Variants in DDHD1 observed in about 807,000 individuals in gnomAD.
DDHD1 encodes the protein DDHD domain containing 1.
Under a neutral mutation model 96.4 loss-of-function variants are expected in DDHD1, and 49 were observed. The ratio of observed to expected loss-of-function variants is 0.51; its 90% CI spans 0.40 to 0.64. The LOEUF (loss-of-function observed/expected upper bound fraction) is 0.64, where lower values mean the gene tolerates loss of function less well. Among genes scored for constraint, DDHD1 ranks in the 30% least tolerant of loss-of-function variants. The pLI is 0.00. For missense variants in DDHD1, 1,106 were observed against 1,161.2 expected (o/e 0.95, Z 0.69); for synonymous variants, 442 against 446.5 (o/e 0.99, Z 0.13).
At position 53,133,957 on chromosome 14, in the gene DDHD1, A is replaced by C. The variant is rs2139849730; in HGVS notation, c.838+18304T>G. Reference sequence around the variant, plus strand: ...CAGGACCCTCCCCATTGGGTTCACCATTCCAGAATAAAGCTGTGTCCATCG... The same window carrying C: ...CAGGACCCTCCCCATTGGGTTCACCCTTCCAGAATAAAGCTGTGTCCATCG... On this transcript the variant is annotated intron_variant, in intron 1 of 12. Coordinates refer to ENST00000673822, the MANE Select transcript of DDHD1 (RefSeq NM_001160148.2). Among the ~76,000 whole-genome samples the C allele has an allele frequency of 1.3e-5, 2 of 152,270 alleles. 1 individual carries two copies. The highest frequency in any genetic ancestry group is 4.1e-4 in the South Asian group (2 of 4,830).
chr14:53,059,358 C>T (rs1277036439), intron 8 of DDHD1, among the ~76,000 whole-genome samples: 1 of 152,044 alleles, frequency 6.6e-6, no homozygotes, highest in Non-Finnish European at 1.5e-5. Flanking sequence ...TATTCTCCTG[C>T]CTCAGCCTCC....
rs1006340353 is a variant in DDHD1 at position 53,112,394 on chromosome 14, C to T, written c.839-8538G>A. Among the ~76,000 whole-genome samples the T allele has an allele frequency of 5.4e-5, 8 of 148,928 alleles. No homozygotes were observed. In the East Asian group the frequency reaches 1.4e-3, roughly 26 times the overall value. On this transcript the variant is annotated intron_variant, in intron 1 of 12. Transcript: ENST00000673822. The stretch of plus-strand genomic sequence containing the variant: ...ATCGTGCCACTGCACTCTAGCCTGG[C>T]AACAGAGCGAGACTCCATCTCAAAA...
intron 1 of DDHD1, among the ~76,000 whole-genome samples, chr14:53,124,645 A>G (rs1161980092): frequency 6.6e-6 from 1 of 152,236 alleles, no homozygotes; most frequent in East Asian, 1.9e-4. Flanking sequence ...CGGACAATGT[A>G]AGTATACCCT....
At chr14:53,105,047 C>T (rs1887583162) in intron 1 of DDHD1, among the ~76,000 whole-genome samples, 1 of 151,734 alleles carries the variant, frequency 6.6e-6, no homozygotes, top group Admixed American at 6.6e-5. Flanking sequence ...TTATTAATAT[C>T]ATTAGGAACC....
At position 53,040,902 on chromosome 14, in the gene DDHD1, C is replaced by T. The variant is rs1881599632; in HGVS notation, c.*5866G>A. The T allele has an allele frequency of 3.3e-5, 5 of 152,176 alleles. No homozygotes were observed. In the South Asian group the frequency reaches 1.0e-3, roughly 32 times the overall value. 9.4% of individuals were successfully genotyped at this position (152,176 alleles called of 1,614,324 possible). On this transcript the variant is annotated 3_prime_UTR_variant, in exon 13 of 13. Transcript: ENST00000673822. The stretch of plus-strand genomic sequence containing the variant: ...CTCAGGAGAGTTATGGTGCCAGCTG[C>T]TTCTGAGAAATGTCCCTATGAGCAA...
At chr14:53,059,404 C>T (rs1436735046) in intron 8 of DDHD1, among the ~76,000 whole-genome samples, 1 of 151,730 alleles carries the variant, frequency 6.6e-6, no homozygotes, top group Non-Finnish European at 1.5e-5. Context: ...GCCACCACGC[C>T]CAGCTAATTT....
intron 12 of DDHD1, among the ~76,000 whole-genome samples, chr14:53,047,292 A>T (rs1286287296): frequency 6.6e-6 from 1 of 152,222 alleles, no homozygotes. Context: ...TAATCTATAA[A>T]ATAAGGAAAA....
chr14:53,084,882 C>T (rs749365540), intron 4 of DDHD1, among the ~76,000 whole-genome samples: 4 of 152,188 alleles, frequency 2.6e-5, no homozygotes, highest in Non-Finnish European at 2.9e-5. Flanking sequence ...CAAGGGAAGC[C>T]GTGACAGACT....
intron 9 of DDHD1, 103 bp from the exon 10 acceptor site, chr14:53,056,015 G>T (rs1883025026): frequency 2.1e-6 from 2 of 954,240 alleles, no homozygotes; most frequent in South Asian, 3.5e-5. Flanking sequence ...AAACCTCCGA[G>T]AAGGAATTTA....
At chr14:53,137,369 A>G (rs1237119565) in intron 1 of DDHD1, among the ~76,000 whole-genome samples, 1 of 152,236 alleles carries the variant, frequency 6.6e-6, no homozygotes, top group Non-Finnish European at 1.5e-5. Context: ...AGGCAGGTGG[A>G]TCACTTGAGG....
intron 4 of DDHD1, among the ~76,000 whole-genome samples, chr14:53,085,729 G>C (rs8010797): frequency 0.55 from 84,204 of 152,038 alleles, 25,218 homozygotes; most frequent in South Asian, 0.7. Flanking sequence ...CTAAAACCCA[G>C]AGCACCTCGT....
chr14:53,103,867 G>T lies in DDHD1; in HGVS notation c.839-11C>A. On this transcript the variant is annotated splice_polypyrimidine_tract_variant and intron_variant, in intron 1 of 12. Transcript: ENST00000673822. ...GTATTTTATCAGCCTCTGAAAAAGA[G>T]AAATCACAGAATTATACACATTTTA... 1 of 1,584,410 alleles carries T rather than the reference G, an allele frequency of 6.3e-7. No individual in the cohort carries two copies.
rs1326170528 is a variant in DDHD1 at position 53,091,715 on chromosome 14, T to C, written c.1289+70A>G. The C allele has an allele frequency of 6.1e-6, 9 of 1,480,296 alleles. No individual in the cohort carries two copies. In the African/African-American group the frequency reaches 1.3e-4, roughly 21 times the overall value. The allele number at this position is 1,480,296 out of a possible 1,614,324, so 91.7% of individuals were successfully genotyped here. ...TGCAGTGGAATTAGTATACTGTTAATATCTCTTATACCCTGGATCAAAGTT... is the reference window on the plus strand; with the variant it reads ...TGCAGTGGAATTAGTATACTGTTAACATCTCTTATACCCTGGATCAAAGTT... On this transcript the variant is annotated intron_variant, in intron 4 of 12. Transcript: ENST00000673822.
chr14:53,108,638 A>G (rs890821447), intron 1 of DDHD1, among the ~76,000 whole-genome samples: 1 of 152,246 alleles, frequency 6.6e-6, no homozygotes, highest in African/African-American at 2.4e-5. Context: ...ACTCTAGTTG[A>G]CTGTGGCTAA....
At chr14:53,149,090 GTAA>G (rs1487044588) in intron 1 of DDHD1, among the ~76,000 whole-genome samples, 1 of 151,952 alleles carries the variant, frequency 6.6e-6, no homozygotes, top group Non-Finnish European at 1.5e-5. Context: ...TTTTTCATAT[GTAA>G]TAATATTGCT....
At chr14:53,152,113 G>GAAAGTGATGGTGTAGAT in intron 1 of DDHD1, 148 bp downstream of exon 1, 3 of 833,726 alleles carry the variant, frequency 3.6e-6, no homozygotes, top group South Asian at 1.9e-5. Flanking sequence ...AGCTGCCGAC[G>GAAAGTGATGGTGTAGAT]CTCCCTGCTC....
chr14:53,152,215 C>T, intron 1 of DDHD1, 46 bp downstream of exon 1: 2 of 1,528,472 alleles, frequency 1.3e-6, no homozygotes, highest in African/African-American at 1.4e-5. Context: ...CGCATCGGCC[C>T]ATGCAGGGGC....
chr14:53,104,887 A>G (rs73294061), intron 1 of DDHD1, among the ~76,000 whole-genome samples: 4,717 of 152,232 alleles, frequency 0.031, 241 homozygotes, highest in African/African-American at 0.11. Flanking sequence ...AAGTGAATTT[A>G]AAACTCCGTC....
chr14:53,112,100 G>C (rs1211509276), intron 1 of DDHD1, among the ~76,000 whole-genome samples: 1 of 152,136 alleles, frequency 6.6e-6, no homozygotes, highest in Non-Finnish European at 1.5e-5. Flanking sequence ...CTGCTAATCT[G>C]TATCAGTCTT....
Sources: gnomAD v4.1 joint callset for allele counts (sites outside exome capture counted in the v4.1 genomes callset) on GRCh38, gnomAD v4.1.1 for gene constraint, MANE v1.5 for transcripts, NCBI Gene and HGNC (gene_info 2026-07-23, HGNC 2026-07-21) for gene names.